TMEM134: variants seen among roughly 807,000 people sequenced by gnomAD.
TMEM134 encodes transmembrane protein 134.
In TMEM134, 36 loss-of-function variants were observed where a neutral mutation model predicts 26.2. That is an observed-to-expected ratio of 1.37 (90% CI 1.05 to 1.81). The LOEUF is 1.81. Ranked by LOEUF, TMEM134 falls within the 40% of genes most tolerant of loss-of-function variation. The pLI is 0.00. For synonymous variants in TMEM134, 133 were observed against 113.6 expected (o/e 1.17, Z -1.08); for missense variants, 339 against 263.5 (o/e 1.29, Z -1.98).
intron 4 of TMEM134, chr11:67,467,073 A>T: frequency 1.2e-5 from 7 of 585,104 alleles, no homozygotes; most frequent in Non-Finnish European, 2.1e-5. Flanking sequence ...TTAAAAAAGG[A>T]AAAGTCTTTG....
Position 67,464,507 on chromosome 11 carries a change from G to A in TMEM134, c.*107C>T. On this transcript the variant is annotated 3_prime_UTR_variant, in exon 7 of 7. Transcript: ENST00000308022. ...AACTTCCTGAGCAAACTCCCTAGGGGCTGGGGTTTCGAGGGTCCTGGAGGG... is the reference window on the plus strand; with the variant it reads ...AACTTCCTGAGCAAACTCCCTAGGGACTGGGGTTTCGAGGGTCCTGGAGGG... 2 of 1,202,772 alleles carry A rather than the reference G, an allele frequency of 1.7e-6. No individual in the cohort carries two copies. The highest frequency in any genetic ancestry group is 1.3e-5 in the South Asian group (1 of 75,902). 74.5% of individuals were successfully genotyped at this position (1,202,772 alleles called of 1,614,324 possible).
chr11:67,463,437 C>T lies in TMEM134; in HGVS notation c.*1177G>A, dbSNP rs117320030. The T allele has an allele frequency of 0.016, 2,382 of 152,418 alleles. 34 individuals are homozygous for T. The highest frequency in any genetic ancestry group is 0.075 in the Middle Eastern group (22 of 294). The allele number at this position is 152,418 out of a possible 1,614,324, so 9.4% of individuals were successfully genotyped here. A position where few individuals can be genotyped will look rare whatever the true frequency, so the allele number is the denominator to read the frequency against. ...GGGCTACGTTCCTAATTCTACCTAC[C>T]ACCTGCTGGCTGTCCTTGGGTGAGT... is the stretch of plus-strand genomic sequence containing the variant. On this transcript the variant is annotated 3_prime_UTR_variant, in exon 7 of 7. Transcript: ENST00000308022.
At position 67,467,543 on chromosome 11, in the gene TMEM134, G is replaced by A. The variant is rs936227092; in HGVS notation, c.287C>T (p.Thr96Ile). ...GGAGCGCTGGGTGCTGCTGCTGATG[G>A]TGCTGAAGGACCACTGGGAGCTGCG... ...SIRSSQWSFS[T>I]ISSSTQRSYN... The change falls in exon 3 of 7, where the codon ACC becomes ATC. Residue 96 changes from threonine (T) to isoleucine (I), a missense_variant. By Grantham distance (89) the Thr-to-Ile change is moderately conservative. Transcript: ENST00000308022. The A allele has an allele frequency of 6.2e-7, 1 of 1,613,974 alleles. No individual in the cohort carries two copies. Among genetic ancestry groups the A allele is most frequent in the African/African-American group, 1.3e-5 (1 of 74,904 alleles).
At chr11:67,467,181 T>C in intron 4 of TMEM134, 131 bp downstream of exon 4, 1 of 796,510 alleles carries the variant, frequency 1.3e-6, no homozygotes, top group South Asian at 1.7e-5. Context: ...AATGGGAGTG[T>C]GATGATGGCA....
In TMEM134 at chr11:67,467,340, G is replaced by A; in HGVS notation, c.378C>T (p.Ala126=). The change falls in exon 4 of 7, where the codon GCC becomes GCT. Residue 126 remains alanine, a synonymous_variant. Transcript: ENST00000308022. ...GCCCCAGCAGCAGGAGCAGGAAGGA[G>A]GCCAGCACCACTCGGCGGTTCTTCT... ...LIQKNRRVVL[A]SFLLLLLGLV... The A allele has an allele frequency of 6.2e-7, 1 of 1,613,912 alleles. No individual in the cohort carries two copies. The highest frequency in any genetic ancestry group is 8.5e-7 in the Non-Finnish European group (1 of 1,179,898).
Position 67,469,210 on chromosome 11 carries a change from G to A in TMEM134, c.-18C>T. On this transcript the variant is annotated 5_prime_UTR_variant, in exon 1 of 7. Transcript: ENST00000308022. ...GCGCTCATGGCCCCGGCCCGCTCAG[G>A]CGCCGTGCGCCGCCGCCATCTGCGC... is the stretch of plus-strand genomic sequence containing the variant. The A allele has an allele frequency of 7.9e-7, 1 of 1,261,922 alleles. No individual in the cohort carries two copies. The highest frequency in any genetic ancestry group is 1.0e-6 in the Non-Finnish European group (1 of 1,000,366). 78.2% of individuals were successfully genotyped at this position (1,261,922 alleles called of 1,614,324 possible). A position where few individuals can be genotyped will look rare whatever the true frequency, so the allele number is the denominator to read the frequency against.
At chr11:67,468,444 T>C (rs1375864424) in intron 1 of TMEM134, among the ~76,000 whole-genome samples, 1 of 152,206 alleles carries the variant, frequency 6.6e-6, no homozygotes, top group Non-Finnish European at 1.5e-5. Flanking sequence ...CACAGGGTTC[T>C]GGTCCAGGTC....
Position 67,464,290 on chromosome 11 carries a change from G to C in TMEM134, c.*324C>G, listed in dbSNP as rs1272837196. On this transcript the variant is annotated 3_prime_UTR_variant, in exon 7 of 7. Transcript: ENST00000308022. ...CAGCGTCAGGGTCAGTCCTTGGGAG[G>C]GGGGCTGTGGTCAGGCTGGTGGGCT... 2.5e-5 allele frequency: 11 copies of C among 443,432 alleles called. No homozygotes were observed. In the East Asian group the frequency reaches 4.7e-4, roughly 19 times the overall value. The allele number at this position is 443,432 out of a possible 1,614,324, so 27.5% of individuals were successfully genotyped here.
chr11:67,463,275 T>TA lies in TMEM134; in HGVS notation c.*1338dup, dbSNP rs1865070951. On this transcript the variant is annotated 3_prime_UTR_variant, in exon 7 of 7. Transcript: ENST00000308022. ...GGGACCCGTGTTTTGGTGGGGGAGA[T>TA]AGACAGTACGGGCAGGTGCACCAAC... 1.3e-5 allele frequency: 2 copies of TA among 152,220 alleles called. No homozygotes were observed. The highest frequency in any genetic ancestry group is 4.1e-4 in the South Asian group (2 of 4,820). 9.4% of individuals were successfully genotyped at this position (152,220 alleles called of 1,614,324 possible). A position where few individuals can be genotyped will look rare whatever the true frequency, so the allele number is the denominator to read the frequency against.
intron 5 of TMEM134, 35 bp from the exon 6 acceptor site, chr11:67,464,891 G>A (rs1239960720): frequency 6.2e-7 from 1 of 1,607,216 alleles, no homozygotes; most frequent in South Asian, 1.1e-5. Context: ...CAGGGCGAGG[G>A]GGCGGAGGCT....
At chr11:67,468,360 T>C (rs1016997800) in intron 1 of TMEM134, among the ~76,000 whole-genome samples, 15 of 152,208 alleles carry the variant, frequency 9.9e-5, no homozygotes, top group African/African-American at 3.6e-4. Context: ...GGAGCTCTCA[T>C]TCAGTGGCCT....
intron 2 of TMEM134, 74 bp from the exon 3 acceptor site, chr11:67,467,664 G>C: frequency 6.9e-7 from 1 of 1,440,300 alleles, no homozygotes. Context: ...TCCTGATGAA[G>C]TGCAGGGCAT....
At position 67,464,456 on chromosome 11, in the gene TMEM134, T is replaced by A; in HGVS notation, c.*158A>T. On this transcript the variant is annotated 3_prime_UTR_variant, in exon 7 of 7. Coordinates refer to ENST00000308022, the MANE Select transcript of TMEM134 (RefSeq NM_025124.4). ...GCACAGAGCAGGCGACGGGCGGCTT[T>A]CCCAGGGCCAGGCCTGCATGCCCCG... The A allele has an allele frequency of 1.4e-6, 1 of 722,280 alleles. No individual in the cohort carries two copies. The highest frequency in any genetic ancestry group is 1.8e-5 in the African/African-American group (1 of 55,730). The allele number at this position is 722,280 out of a possible 1,614,324, so 44.7% of individuals were successfully genotyped here. A position where few individuals can be genotyped will look rare whatever the true frequency, so the allele number is the denominator to read the frequency against.
chr11:67,465,268 C>CT, intron 4 of TMEM134, 168 bp from the exon 5 acceptor site: 1 of 1,460,640 alleles, frequency 6.8e-7, no homozygotes, highest in Non-Finnish European at 9.0e-7. Flanking sequence ...TGAGCAGGCC[C>CT]TGGGAAGTGT....
In TMEM134 at chr11:67,464,887, G is replaced by C. The variant is rs1333542861; in HGVS notation, c.452-31C>G. The C allele has an allele frequency of 1.9e-6, 3 of 1,607,084 alleles. No individual in the cohort carries two copies. In the East Asian group the frequency reaches 6.7e-5, roughly 36 times the overall value. On this transcript the variant is annotated intron_variant, in intron 5 of 6. Transcript: ENST00000308022. ...GGAGGGACCAGAGCCCGGTCAGGGC[G>C]AGGGGGCGGAGGCTTCGAGGCCTTC...
intron 2 of TMEM134, 49 bp from the exon 3 acceptor site, chr11:67,467,639 G>A (rs374931869): frequency 3.8e-6 from 6 of 1,584,382 alleles, no homozygotes; most frequent in Admixed American, 3.3e-5. Flanking sequence ...GGACGGGGTT[G>A]CTTTGGGACA....
At position 67,467,335 on chromosome 11, in the gene TMEM134, A is replaced by G. The variant is rs139393410; in HGVS notation, c.383T>C (p.Phe128Ser). The G allele has an allele frequency of 3.7e-6, 6 of 1,613,826 alleles. No individual in the cohort carries two copies. The highest frequency in any genetic ancestry group is 5.1e-6 in the Non-Finnish European group (6 of 1,179,968). Reference protein sequence around the residue: ...QKNRRVVLASFLLLLLGLVLI... With the variant: ...QKNRRVVLASSLLLLLGLVLI... ...ACCCAGCCCCAGCAGCAGGAGCAGG[A>G]AGGAGGCCAGCACCACTCGGCGGTT... Residue 128 changes from phenylalanine to serine, a missense_variant, in exon 4 of 7, where the codon TTC becomes TCC. By Grantham distance (155) the Phe-to-Ser change is radical (BLOSUM62 -2). Transcript: ENST00000308022.
rs1326370765 is a variant in TMEM134, at chr11:67,462,446, C to T, written c.*2168G>A. ...TCGGCTCACTGCAACCTCTGCCTCCCGGGTTCAAGCGATTCTCCTGCCTCA... is the reference window on the plus strand; with the variant it reads ...TCGGCTCACTGCAACCTCTGCCTCCTGGGTTCAAGCGATTCTCCTGCCTCA... On this transcript the variant is annotated 3_prime_UTR_variant, in exon 7 of 7. Coordinates refer to ENST00000308022, the MANE Select transcript of TMEM134 (RefSeq NM_025124.4). 8 of 150,990 alleles carry T rather than the reference C, an allele frequency of 5.3e-5. No individual in the cohort carries two copies. Among genetic ancestry groups the T allele is most frequent in the South Asian group, 4.2e-4 (2 of 4,740 alleles). 9.4% of individuals were successfully genotyped at this position (150,990 alleles called of 1,614,324 possible).
chr11:67,469,211 C>A lies in TMEM134; in HGVS notation c.-19G>T. ...CGCTCATGGCCCCGGCCCGCTCAGGCGCCGTGCGCCGCCGCCATCTGCGCC... is the reference window on the plus strand; with the variant it reads ...CGCTCATGGCCCCGGCCCGCTCAGGAGCCGTGCGCCGCCGCCATCTGCGCC... On this transcript the variant is annotated 5_prime_UTR_variant, in exon 1 of 7. Coordinates refer to ENST00000308022, the MANE Select transcript of TMEM134 (RefSeq NM_025124.4). 1 of 1,260,264 alleles carries A rather than the reference C, an allele frequency of 7.9e-7. No individual in the cohort carries two copies. Among genetic ancestry groups the A allele is most frequent in the Non-Finnish European group, 1.0e-6 (1 of 999,652 alleles). 78.1% of individuals were successfully genotyped at this position (1,260,264 alleles called of 1,614,324 possible).
Sources: gnomAD v4.1 joint callset for allele counts (sites outside exome capture counted in the v4.1 genomes callset) on GRCh38, gnomAD v4.1.1 for gene constraint, MANE v1.5 for transcripts, NCBI Gene and HGNC (gene_info 2026-07-23, HGNC 2026-07-21) for gene names.